Variants in SETX observed in about 807,000 individuals in gnomAD.
SETX encodes helicase senataxin.
SETX carries 90 observed loss-of-function variants against 227.2 expected under a neutral mutation model. The ratio of observed to expected loss-of-function variants is 0.40; its 90% CI spans 0.33 to 0.47. The LOEUF (loss-of-function observed/expected upper bound fraction) is 0.47. SETX is among the 20% of genes least tolerant of loss of function. The pLI is 0.91. For missense variants in SETX, 3,052 were observed against 3,181.5 expected, an observed-to-expected ratio of 0.96 and a Z score of 0.98; for synonymous variants, 1,210 against 1,113.2, an observed-to-expected ratio of 1.09 and a Z score of -1.73.
intron 15 of SETX, 101 bp downstream of exon 15, chr9:132,295,771 G>T: frequency 9.7e-7 from 1 of 1,032,940 alleles, no homozygotes. Context: ...TCAAGTAGAA[G>T]CTATTACCAG....
rs1465312821 is a variant in SETX at position 132,334,739 on chromosome 9, T to C, written c.719-12A>G. 1 of 1,613,662 alleles carries C rather than the reference T, an allele frequency of 6.2e-7. No homozygotes were observed. The highest frequency in any genetic ancestry group is 1.1e-5 in the South Asian group (1 of 91,080). On this transcript the variant is annotated splice_polypyrimidine_tract_variant and intron_variant, in intron 6 of 25. Transcript: ENST00000224140. ...CAACATGCAAATACCTGTAAGATCATTTAGAGTTATCTTGAATTGATGAAA... is the reference window on the plus strand; with the variant it reads ...CAACATGCAAATACCTGTAAGATCACTTAGAGTTATCTTGAATTGATGAAA...
chr9:132,354,154 C>G (rs777863991), intron 1 of SETX, among the ~76,000 whole-genome samples: 1 of 152,170 alleles, frequency 6.6e-6, no homozygotes, highest in Non-Finnish European at 1.5e-5. Flanking sequence ...CCTTAGATCC[C>G]CAGAAGTTGG....
intron 2 of SETX, 39 bp from the exon 3 acceptor site, chr9:132,349,474 T>G: frequency 1.9e-6 from 3 of 1,597,116 alleles, no homozygotes; most frequent in Non-Finnish European, 2.6e-6. Context: ...GAAAACCAAC[T>G]TCAGACCTAC....
In SETX at chr9:132,300,750, A is replaced by C. The variant is rs1182222248; in HGVS notation, c.5428T>G (p.Leu1810Val). 6 of 1,613,604 alleles carry C rather than the reference A, an allele frequency of 3.7e-6. No individual in the cohort carries two copies. The highest frequency in any genetic ancestry group is 5.1e-6 in the Non-Finnish European group (6 of 1,179,876). Reference sequence around the variant, plus strand: ...ATTCTCTCAGGAGCTAAAAACACCAAATCGTTTTCCTTTGGATAAAGCTGT... The same window carrying C: ...ATTCTCTCAGGAGCTAAAAACACCACATCGTTTTCCTTTGGATAAAGCTGT... ...AKQLYPKEND[L>V]VFLAPERINE... Residue 1810 changes from leucine to valine, a missense_variant, in exon 12 of 26, where the codon TTG becomes GTG. Coordinates refer to ENST00000224140, the MANE Select transcript of SETX (RefSeq NM_015046.7).
chr9:132,335,138 C>G (rs954151443), intron 6 of SETX, among the ~76,000 whole-genome samples: 2 of 151,976 alleles, frequency 1.3e-5, no homozygotes, highest in African/African-American at 2.4e-5. Context: ...CACCTGTAAT[C>G]CCAGCACTTT....
At chr9:132,321,152 G>A (rs1846302527) in intron 10 of SETX, among the ~76,000 whole-genome samples, 1 of 152,122 alleles carries the variant, frequency 6.6e-6, no homozygotes, top group Non-Finnish European at 1.5e-5. Context: ...TCCCTGCCAC[G>A]CCTACATTTC....
chr9:132,328,015 C>G lies in SETX; in HGVS notation c.3583G>C (p.Gly1195Arg), dbSNP rs777378984. 1 of 1,613,964 alleles carries G rather than the reference C, an allele frequency of 6.2e-7. No homozygotes were observed. The highest frequency in any genetic ancestry group is 2.2e-5 in the East Asian group (1 of 44,878). ...CTATCAATACTTTTAAAATCATTTC[C>G]CACAAGATCTCTCTTATTAGTATCA... ...QSDTNKRDLVGNDFKSIDRRT... is the reference protein window; with the variant it reads ...QSDTNKRDLVRNDFKSIDRRT... Residue 1195 changes from glycine to arginine, a missense_variant, in exon 10 of 26, where the codon GGA (glycine) becomes CGA (arginine). By Grantham distance (125) the Gly-to-Arg change is moderately radical. This residue lies in a region of SETX where 1,483 missense variants were observed against 1,312.0 expected (regional missense o/e 1.13). Transcript: ENST00000224140.
Position 132,327,598 on chromosome 9 carries a change from G to T in SETX, c.4000C>A (p.Leu1334Met). 1 of 1,614,086 alleles carries T rather than the reference G, an allele frequency of 6.2e-7. No homozygotes were observed. The highest frequency in any genetic ancestry group is 8.5e-7 in the Non-Finnish European group (1 of 1,180,034). ...KKTKLISPQN[L>M]SVRNNKKLLT... ...AGTTTCTTATTATTTCTGACAGACA[G>T]GTTCTGAGGAGAAATTAATTTAGTC... is the stretch of plus-strand genomic sequence containing the variant. The change falls in exon 10 of 26, where the codon CTG becomes ATG. Residue 1334 changes from leucine to methionine, a missense_variant. Coordinates refer to ENST00000224140, the MANE Select transcript of SETX (RefSeq NM_015046.7).
chr9:132,332,503 CTTTCTTATATATG>C (rs1437728588), intron 7 of SETX, among the ~76,000 whole-genome samples: 1 of 152,190 alleles, frequency 6.6e-6, no homozygotes, highest in Non-Finnish European at 1.5e-5. Flanking sequence ...GTCATTTGAA[CTTTCTTATATATG>C]TTTGTATCCT....
At chr9:132,299,478 T>C (rs541759875) in intron 12 of SETX, among the ~76,000 whole-genome samples, 2 of 152,328 alleles carry the variant, frequency 1.3e-5, no homozygotes, top group African/African-American at 4.8e-5. Flanking sequence ...TCCTATATTC[T>C]ACAGAATTAA....
rs757953648 is a variant in SETX at position 132,286,535 on chromosome 9, G to A, written c.6325-41C>T. 33 of 1,446,204 alleles carry A rather than the reference G, an allele frequency of 2.3e-5. No homozygotes were observed. The East Asian group carries it at 7.0e-4, about 31-fold the overall frequency. 89.6% of individuals were successfully genotyped at this position (1,446,204 alleles called of 1,614,324 possible). ...AATGTCACAATTAAAACTAAACTAA[G>A]CATTTTTAAATGCCTTCCAATGGAC... On this transcript the variant is annotated intron_variant, in intron 17 of 25. Coordinates refer to ENST00000224140, the MANE Select transcript of SETX (RefSeq NM_015046.7).
intron 11 of SETX, among the ~76,000 whole-genome samples, chr9:132,303,331 T>TA (rs1365346019): frequency 1.3e-4 from 10 of 79,586 alleles, no homozygotes; most frequent in South Asian, 3.5e-4. Flanking sequence ...CTTCTACCTT[T>TA]AAAAAAGCAA....
intron 19 of SETX, 85 bp from the exon 20 acceptor site, chr9:132,281,659 T>C: frequency 1.0e-6 from 1 of 961,910 alleles, no homozygotes; most frequent in Non-Finnish European, 1.7e-6. Context: ...TTCTAACCAT[T>C]CAGAAAAGTA....
At chr9:132,325,147 G>C (rs768852837) in intron 10 of SETX, among the ~76,000 whole-genome samples, 56 of 152,046 alleles carry the variant, frequency 3.7e-4, no homozygotes, top group Non-Finnish European at 7.2e-4. Context: ...ACAAGGTCAG[G>C]AGATTGAGAC....
chr9:132,305,500 G>A (rs1845283210), intron 11 of SETX, among the ~76,000 whole-genome samples: 2 of 151,748 alleles, frequency 1.3e-5, no homozygotes, highest in South Asian at 4.2e-4. Context: ...AACATGAGAC[G>A]CCACCTTAAC....
intron 25 of SETX, among the ~76,000 whole-genome samples, chr9:132,268,897 AAAG>A (rs1377651649): frequency 2.0e-5 from 3 of 152,236 alleles, no homozygotes; most frequent in Admixed American, 6.5e-5. Context: ...GTGAAACAAG[AAAG>A]AAGGTGTATC....
intron 10 of SETX, among the ~76,000 whole-genome samples, chr9:132,316,571 A>G: frequency 6.6e-6 from 1 of 152,312 alleles, no homozygotes; most frequent in African/African-American, 2.4e-5. Context: ...CTTTCCAAAC[A>G]TATGTGATTT....
intron 23 of SETX, among the ~76,000 whole-genome samples, chr9:132,272,829 T>C (rs191378127): frequency 1.7e-3 from 255 of 152,062 alleles, no homozygotes; most frequent in Non-Finnish European, 2.6e-3. Context: ...CATCCCTTTC[T>C]TCATTAATAT....
Position 132,336,283 on chromosome 9 carries a change from G to A in SETX, c.718+13C>T, listed in dbSNP as rs1201812805. On this transcript the variant is annotated intron_variant, in intron 6 of 25. Coordinates refer to ENST00000224140, the MANE Select transcript of SETX (RefSeq NM_015046.7). ...GAAAATACCAATTATATTAGTGTAG[G>A]AATAATACTCACCTAACCAATAGCT... 1.3e-6 allele frequency: 2 copies of A among 1,586,584 alleles called. No homozygotes were observed. Among genetic ancestry groups the A allele is most frequent in the East Asian group, 4.5e-5 (2 of 44,724 alleles).
Sources: allele counts gnomAD v4.1 joint callset (sites outside exome capture counted in the v4.1 genomes callset), GRCh38; gene constraint gnomAD v4.1.1; regional missense constraint gnomAD v4.1.1; transcripts MANE v1.5; gene names NCBI Gene and HGNC (gene_info 2026-07-23, HGNC 2026-07-21).